ATM: variants seen among roughly 807,000 people sequenced by gnomAD.
ATM encodes ATM serine/threonine kinase.
In ATM, 308 loss-of-function variants were observed where a neutral mutation model predicts 387.0. That is an observed-to-expected ratio of 0.80 (90% CI 0.73 to 0.87). The LOEUF is 0.87. Among genes scored for constraint, ATM ranks in the 40% least tolerant of loss-of-function variants. The probability of loss-of-function intolerance (pLI) is 0.00; values close to 1 mark genes in which losing one functional copy is unlikely to be tolerated. For missense variants in ATM, 3,312 were observed against 3,560.9 expected (o/e 0.93, Z 1.78); for synonymous variants, 1,156 against 1,187.3 (o/e 0.97, Z 0.54).
At chr11:108,233,730 C>T (rs1270371322) in intron 4 of ATM, among the ~76,000 whole-genome samples, 1 of 152,056 alleles carries the variant, frequency 6.6e-6, no homozygotes, top group East Asian at 1.9e-4. Flanking sequence ...GCCTGTAGTC[C>T]TAGCTACCTG....
rs587782902 is a variant in ATM at position 108,244,951 on chromosome 11, A to G, written c.826A>G (p.Lys276Glu). Residue 276 changes from lysine to glutamate, a missense_variant, in exon 7 of 63, where the codon AAA (lysine) becomes GAA (glutamate). Physicochemically the swap from Lys to Glu is moderately conservative, Grantham distance 56 (BLOSUM62 1). Coordinates refer to ENST00000675843, the MANE Select transcript of ATM (RefSeq NM_000051.4). The part of the protein sequence containing the change: ...WTQHRLNDSL[K>E]EVIIELFQLQ... The stretch of plus-strand genomic sequence containing the variant: ...TCAACATAGGCTTAATGATTCTTTA[A>G]AAGAAGTCATTATTGAATTATTTCA... 6.2e-7 allele frequency: 1 copy of G among 1,613,426 alleles called. No homozygotes were observed. Among genetic ancestry groups the G allele is most frequent in the Non-Finnish European group, 8.5e-7 (1 of 1,179,794 alleles).
rs2136380870 is a variant in ATM, at chr11:108,327,777, C to T, written c.7089+19C>T. The T allele has an allele frequency of 6.4e-7, 1 of 1,556,292 alleles. No individual in the cohort carries two copies. The highest frequency in any genetic ancestry group is 8.9e-7 in the Non-Finnish European group (1 of 1,128,606). On this transcript the variant is annotated intron_variant, in intron 48 of 62. Coordinates refer to ENST00000675843, the MANE Select transcript of ATM (RefSeq NM_000051.4). ...AGAAAAGGTAAGATTTTTGGAGCAA[C>T]CCTTAAGATAGTTACTTAGCATGAA... is the stretch of plus-strand genomic sequence containing the variant.
In ATM at chr11:108,365,113, C is replaced by T. The variant is rs1591384581; in HGVS notation, c.8882C>T (p.Thr2961Ile). The T allele has an allele frequency of 6.2e-7, 1 of 1,614,092 alleles. No homozygotes were observed. The highest frequency in any genetic ancestry group is 2.2e-5 in the East Asian group (1 of 44,878). ...CTATATGATCCACTCTTTGACTGGA[C>T]CATGAATCCTTTGAAAGCTTTGTAT... ...VLLYDPLFDW[T>I]MNPLKALYLQ... Residue 2961 changes from threonine (T) to isoleucine (I), a missense_variant, in exon 62 of 63, where the codon ACC (threonine) becomes ATC (isoleucine). This residue lies in a region of ATM where 21 missense variants were observed against 51.6 expected (regional missense o/e 0.41). Coordinates refer to ENST00000675843, the MANE Select transcript of ATM (RefSeq NM_000051.4).
intron 48 of ATM, 84 bp downstream of exon 48, chr11:108,327,842 G>A: frequency 9.5e-7 from 1 of 1,055,506 alleles, no homozygotes; most frequent in Non-Finnish European, 1.4e-6. Context: ...TATTTCCAAA[G>A]CAAATAAAAG....
rs757803813 is a variant in ATM, at chr11:108,368,140, C to A, written c.*2632C>A. The stretch of plus-strand genomic sequence containing the variant: ...TAATCAATGGCTTTGAAAAGTTTAT[C>A]AAATTTACATACAGATCACAAGCCT... On this transcript the variant is annotated 3_prime_UTR_variant, in exon 63 of 63. Coordinates refer to ENST00000675843, the MANE Select transcript of ATM (RefSeq NM_000051.4). The A allele has an allele frequency of 4.8e-6, 1 of 207,358 alleles. No individual in the cohort carries two copies. Among genetic ancestry groups the A allele is most frequent in the Non-Finnish European group, 9.8e-6 (1 of 101,830 alleles). The allele number at this position is 207,358 out of a possible 1,614,324, so 12.8% of individuals were successfully genotyped here.
At chr11:108,347,448 A>G in intron 59 of ATM, 83 bp downstream of exon 59, 1 of 1,143,158 alleles carries the variant, frequency 8.7e-7, no homozygotes, top group Admixed American at 1.8e-5. Flanking sequence ...AAGATATTAC[A>G]AATATAAGAG....
Position 108,327,655 on chromosome 11 carries a change from G to A in ATM, c.6986G>A (p.Ser2329Asn), listed in dbSNP as rs2085810826. 1 of 1,613,676 alleles carries A rather than the reference G, an allele frequency of 6.2e-7. No individual in the cohort carries two copies. Among genetic ancestry groups the A allele is most frequent in the Non-Finnish European group, 8.5e-7 (1 of 1,179,776 alleles). Residue 2329 changes from serine (S) to asparagine (N), a missense_variant, in exon 48 of 63, where the codon AGC becomes AAC. Transcript: ENST00000675843. Reference sequence around the variant, plus strand: ...GCCTTTCTTATACAGAACAATCCCAGCCTAAAACTTACATACACAGAATGT... The same window carrying A: ...GCCTTTCTTATACAGAACAATCCCAACCTAAAACTTACATACACAGAATGT... Reference protein sequence around the residue: ...LDASCAANNPSLKLTYTECLR... With the variant: ...LDASCAANNPNLKLTYTECLR...
At chr11:108,314,189 C>A (rs1759563227) in intron 40 of ATM, among the ~76,000 whole-genome samples, 1 of 152,026 alleles carries the variant, frequency 6.6e-6, no homozygotes, top group African/African-American at 2.4e-5. Context: ...AGTCATAACA[C>A]ACTGCAAGCT....
chr11:108,327,601 C>T (rs777878191), intron 47 of ATM, 44 bp from the exon 48 acceptor site: 16 of 1,475,086 alleles, frequency 1.1e-5, no homozygotes, highest in Non-Finnish European at 1.5e-5. Flanking sequence ...TGGGTACAGT[C>T]ATGGTAATGC....
At chr11:108,286,513 T>C (rs2082501874) in intron 26 of ATM, among the ~76,000 whole-genome samples, 1 of 152,088 alleles carries the variant, frequency 6.6e-6, no homozygotes, top group Non-Finnish European at 1.5e-5. Context: ...TTCCATTGGT[T>C]ACTTGGTATA....
chr11:108,317,650 TATACAC>T lies in ATM; in HGVS notation c.6347+131_6347+136del, dbSNP rs1454446820. 618 of 130,384 alleles carry T rather than the reference TATACAC, an allele frequency of 4.7e-3. 4 individuals carry two copies. The highest frequency in any genetic ancestry group is 0.026 in the African/African-American group (571 of 21,912). The allele number at this position is 130,384 out of a possible 1,614,324, so 8.1% of individuals were successfully genotyped here. On this transcript the variant is annotated intron_variant, in intron 43 of 62. Coordinates refer to ENST00000675843, the MANE Select transcript of ATM (RefSeq NM_000051.4). The stretch of plus-strand genomic sequence containing the variant: ...ATATATATATATATATATATATATA[TATACAC>T]ACACACACACACACACACTATATAT...
intron 22 of ATM, among the ~76,000 whole-genome samples, chr11:108,277,772 C>T (rs1478461772): frequency 6.6e-6 from 1 of 152,230 alleles, no homozygotes; most frequent in Non-Finnish European, 1.5e-5. Flanking sequence ...GCAGAAATCA[C>T]CACCTTCTGC....
chr11:108,331,369 A>AT, intron 50 of ATM, 75 bp from the exon 51 acceptor site: 1 of 1,547,536 alleles, frequency 6.5e-7, no homozygotes, highest in Non-Finnish European at 8.7e-7. Flanking sequence ...CTGTCTTAAA[A>AT]TAACTTACTT....
At chr11:108,330,673 G>T (rs1209639827) in intron 50 of ATM, among the ~76,000 whole-genome samples, 1 of 152,174 alleles carries the variant, frequency 6.6e-6, no homozygotes, top group African/African-American at 2.4e-5. Context: ...AGTTTGTGTG[G>T]AGGTGATAGA....
chr11:108,306,263 G>A (rs1298809482), intron 37 of ATM, among the ~76,000 whole-genome samples: 1 of 151,926 alleles, frequency 6.6e-6, no homozygotes, highest in African/African-American at 2.4e-5. Flanking sequence ...ATTATAGGCT[G>A]TTCTCTAAAT....
At chr11:108,309,084 T>A (rs1170846130) in intron 38 of ATM, 1 of 1,402,796 alleles carries the variant, frequency 7.1e-7, no homozygotes, top group African/African-American at 1.4e-5. Context: ...GGAGAAAGTA[T>A]GAATGGGATA....
intron 61 of ATM, among the ~76,000 whole-genome samples, chr11:108,363,663 T>C (rs536692801): frequency 2.0e-5 from 3 of 152,354 alleles, no homozygotes; most frequent in East Asian, 1.9e-4. Flanking sequence ...ATGACAATAG[T>C]GCTGAGACTG....
In ATM at chr11:108,369,074, G is replaced by T. The variant is rs975549009; in HGVS notation, c.*3566G>T. 3.5e-5 allele frequency: 6 copies of T among 172,716 alleles called. No homozygotes were observed. The highest frequency in any genetic ancestry group is 1.4e-4 in the African/African-American group (6 of 42,114). 10.7% of individuals were successfully genotyped at this position (172,716 alleles called of 1,614,324 possible). A position where few individuals can be genotyped will look rare whatever the true frequency, so the allele number is the denominator to read the frequency against. ...CTGTTACCTGAATTTATTATAAAGT[G>T]TTTTTGAATAAATAATTCTAAAAGC... On this transcript the variant is annotated 3_prime_UTR_variant, in exon 63 of 63. Coordinates refer to ENST00000675843, the MANE Select transcript of ATM (RefSeq NM_000051.4).
chr11:108,347,753 C>T (rs1002839532), intron 59 of ATM, among the ~76,000 whole-genome samples: 2 of 151,978 alleles, frequency 1.3e-5, no homozygotes, highest in African/African-American at 4.8e-5. Context: ...GTAGTTGAGT[C>T]GCTTGAGAGA....
Sources: allele counts gnomAD v4.1 joint callset (sites outside exome capture counted in the v4.1 genomes callset), GRCh38; gene constraint gnomAD v4.1.1; regional missense constraint gnomAD v4.1.1; transcripts MANE v1.5; gene names NCBI Gene and HGNC (gene_info 2026-07-23, HGNC 2026-07-21).